PHF2: variants seen among roughly 807,000 people sequenced by gnomAD.
The protein encoded by PHF2 is lysine-specific demethylase PHF2.
Under a neutral mutation model 120.5 loss-of-function variants are expected in PHF2, and 27 were observed. The ratio of observed to expected loss-of-function variants is 0.22; its 90% CI spans 0.17 to 0.31. PHF2 has a LOEUF of 0.31. PHF2 is among the 10% of genes least tolerant of loss of function. The pLI is 1.00. For synonymous variants in PHF2, 568 were observed against 592.5 expected, an observed-to-expected ratio of 0.96 and a Z score of 0.60; for missense variants, 1,024 against 1,434.8, an observed-to-expected ratio of 0.71 and a Z score of 4.63.
intron 2 of PHF2, among the ~76,000 whole-genome samples, chr9:93,630,338 C>G (rs746665203): frequency 6.6e-6 from 1 of 152,256 alleles, no homozygotes; most frequent in East Asian, 1.9e-4. Flanking sequence ...CCAGGCCAGC[C>G]TGAGTTAGGG....
At chr9:93,647,912 T>G (rs1422394880) in intron 4 of PHF2, among the ~76,000 whole-genome samples, 1 of 152,118 alleles carries the variant, frequency 6.6e-6, no homozygotes, top group Non-Finnish European at 1.5e-5. Flanking sequence ...TCTTTTTATA[T>G]ACATCATTTT....
intron 3 of PHF2, 142 bp downstream of exon 3, chr9:93,636,667 G>T (rs1184894170): frequency 4.4e-6 from 3 of 687,788 alleles, no homozygotes; most frequent in Non-Finnish European, 7.4e-6. Context: ...GTCTCCTGGA[G>T]GCAGCATAGC....
intron 1 of PHF2, among the ~76,000 whole-genome samples, chr9:93,616,782 A>C (rs374793841): frequency 6.6e-6 from 1 of 151,566 alleles, no homozygotes; most frequent in Non-Finnish European, 1.5e-5. Flanking sequence ...GCAGCATCCC[A>C]AGTAGTTGGG....
chr9:93,645,617 G>A lies in PHF2; in HGVS notation c.300-12G>A, dbSNP rs1162818498. The A allele has an allele frequency of 1.3e-6, 2 of 1,572,356 alleles. No homozygotes were observed. Among genetic ancestry groups the A allele is most frequent in the East Asian group, 4.6e-5 (2 of 43,852 alleles). ...GGGCCCAATGTGGCCTCTGACCTGT[G>A]CTTCCCTGCAGTGCTGAAGACGTGG... is the stretch of plus-strand genomic sequence containing the variant. On this transcript the variant is annotated splice_polypyrimidine_tract_variant and intron_variant, in intron 3 of 21. Coordinates refer to ENST00000359246, the MANE Select transcript of PHF2 (RefSeq NM_005392.4).
At chr9:93,601,988 A>G (rs1210750416) in intron 1 of PHF2, among the ~76,000 whole-genome samples, 1 of 151,938 alleles carries the variant, frequency 6.6e-6, no homozygotes, top group Non-Finnish European at 1.5e-5. Context: ...ACACCATCAC[A>G]CGGCCATCTG....
intron 19 of PHF2, among the ~76,000 whole-genome samples, chr9:93,675,255 C>T (rs1223886674): frequency 6.6e-6 from 1 of 152,206 alleles, no homozygotes; most frequent in Non-Finnish European, 1.5e-5. Context: ...CTACACAGCC[C>T]CAACTCAAAA....
rs779098363 is a variant in PHF2, at chr9:93,665,951, C to A, written c.2117-39C>A. On this transcript the variant is annotated intron_variant, in intron 15 of 21. Coordinates refer to ENST00000359246, the MANE Select transcript of PHF2 (RefSeq NM_005392.4). The stretch of plus-strand genomic sequence containing the variant: ...TCTTCCCAGGGTGGCTGGCTCCCCG[C>A]AAGGCCTCCCGCTGGACTGCCATCT... 3 of 1,612,292 alleles carry A rather than the reference C, an allele frequency of 1.9e-6. No individual in the cohort carries two copies. The South Asian group carries it at 3.3e-5, about 18-fold the overall frequency.
At chr9:93,662,786 A>G in intron 12 of PHF2, 121 bp from the exon 13 acceptor site, 1 of 1,108,474 alleles carries the variant, frequency 9.0e-7, no homozygotes, top group South Asian at 1.4e-5. Context: ...GTGGATGGGT[A>G]GATGGATGGA....
In PHF2 at chr9:93,675,046, G is replaced by A. The variant is rs1216651710; in HGVS notation, c.2722+24G>A. 4.5e-6 allele frequency: 7 copies of A among 1,568,628 alleles called. No homozygotes were observed. The South Asian group carries it at 6.7e-5, about 15-fold the overall frequency. On this transcript the variant is annotated intron_variant, in intron 19 of 21. Coordinates refer to ENST00000359246, the MANE Select transcript of PHF2 (RefSeq NM_005392.4). ...AGGTAGTGCTGGGACAGGGGTAGGGGGTCCACCTGACACCCAGTGTGGAAG... is the reference window on the plus strand; with the variant it reads ...AGGTAGTGCTGGGACAGGGGTAGGGAGTCCACCTGACACCCAGTGTGGAAG...
intron 17 of PHF2, among the ~76,000 whole-genome samples, chr9:93,669,951 C>CTCT (rs1267651911): frequency 6.6e-6 from 1 of 152,224 alleles, no homozygotes; most frequent in Non-Finnish European, 1.5e-5. Context: ...CTGTATTGGC[C>CTCT]TCTTCCTTCT....
intron 1 of PHF2, among the ~76,000 whole-genome samples, chr9:93,606,034 C>T (rs146445024): frequency 0.011 from 1,599 of 151,788 alleles, 21 homozygotes; most frequent in Middle Eastern, 0.027. Context: ...AGTGCAGTGG[C>T]GTGATCTCAG....
At chr9:93,646,949 A>T (rs1826271075) in intron 4 of PHF2, among the ~76,000 whole-genome samples, 1 of 152,164 alleles carries the variant, frequency 6.6e-6, no homozygotes, top group African/African-American at 2.4e-5. Flanking sequence ...GGCTGGACAT[A>T]GTTGGAGCTG....
chr9:93,603,851 G>A (rs62574559), intron 1 of PHF2, among the ~76,000 whole-genome samples: 1,784 of 152,268 alleles, frequency 0.012, 22 homozygotes, highest in Non-Finnish European at 0.02. Context: ...TCCCCATAGG[G>A]TTCTGTGTGC....
At chr9:93,663,373 C>T in intron 13 of PHF2, 144 bp from the exon 14 acceptor site, 1 of 680,626 alleles carries the variant, frequency 1.5e-6, no homozygotes, top group Non-Finnish European at 2.6e-6. Context: ...GAGCACCCCG[C>T]AGTGGCCCGG....
intron 1 of PHF2, among the ~76,000 whole-genome samples, chr9:93,610,042 C>G (rs1423314018): frequency 6.7e-6 from 1 of 148,570 alleles, no homozygotes; most frequent in Non-Finnish European, 1.5e-5. Context: ...TTTTTTTTTG[C>G]GGTTTGAATG....
At chr9:93,658,313 A>G in intron 10 of PHF2, 77 bp downstream of exon 10, 1 of 1,075,702 alleles carries the variant, frequency 9.3e-7, no homozygotes, top group Non-Finnish European at 1.4e-6. Context: ...ACCCAGCAGC[A>G]ATGTCCAGGA....
At chr9:93,663,743 C>T in intron 14 of PHF2, 108 bp downstream of exon 14, 1 of 664,952 alleles carries the variant, frequency 1.5e-6, no homozygotes, top group South Asian at 1.7e-5. Context: ...ACATTACACA[C>T]ACACTATGCA....
chr9:93,629,432 G>T (rs1825962801), intron 1 of PHF2, among the ~76,000 whole-genome samples: 1 of 152,170 alleles, frequency 6.6e-6, no homozygotes, highest in Non-Finnish European at 1.5e-5. Flanking sequence ...ACTCCAGGGA[G>T]GGAATGAGGA....
chr9:93,658,372 C>T, intron 10 of PHF2, 136 bp downstream of exon 10: 1 of 733,716 alleles, frequency 1.4e-6, no homozygotes, highest in South Asian at 1.7e-5. Flanking sequence ...GTGGTGCTCC[C>T]CTGCCTGGCT....
Sources: allele counts gnomAD v4.1 joint callset (sites outside exome capture counted in the v4.1 genomes callset), GRCh38; gene constraint gnomAD v4.1.1; transcripts MANE v1.5; gene names NCBI Gene and HGNC (gene_info 2026-07-23, HGNC 2026-07-21).